The following HCN1 variants were observed in gnomAD, a reference collection of about 807,000 sequenced individuals.
The protein encoded by HCN1 is potassium/sodium hyperpolarization-activated cyclic nucleotide-gated channel 1.
In HCN1, 13 loss-of-function variants were observed where a neutral mutation model predicts 78.9. The observed-to-expected ratio is 0.16, with a 90% CI of 0.11 to 0.26. HCN1 has a LOEUF of 0.26. HCN1 is among the 10% of genes least tolerant of loss of function. The probability of loss-of-function intolerance (pLI) is 1.00; values close to 1 mark genes in which losing one functional copy is unlikely to be tolerated. For synonymous variants in HCN1, 552 were observed against 455.5 expected, an observed-to-expected ratio of 1.21 and a Z score of -2.70; for missense variants, 810 against 1,154.3, an observed-to-expected ratio of 0.70 and a Z score of 4.32.
At chr5:45,548,187 C>A (rs919299212) in intron 2 of HCN1, among the ~76,000 whole-genome samples, 1 of 151,850 alleles carries the variant, frequency 6.6e-6, no homozygotes, top group East Asian at 1.9e-4. Context: ...ATACACATTT[C>A]TTATCCTGCC....
At chr5:45,534,404 CAAAAAAAAAAAAAAAAAAAAA>C (rs71000637) in intron 2 of HCN1, among the ~76,000 whole-genome samples, 34 of 29,316 alleles carry the variant, frequency 1.2e-3, no homozygotes, top group South Asian at 6.8e-3. Flanking sequence ...GACTGCATCT[CAAAAAAAAAAAAAAAAAAAAA>C]AAAAAAAAAA....
intron 2 of HCN1, among the ~76,000 whole-genome samples, chr5:45,611,147 T>C (rs1297622077): frequency 3.3e-5 from 5 of 151,222 alleles, no homozygotes; most frequent in Non-Finnish European, 7.4e-5. Flanking sequence ...ACCTCCCGGG[T>C]TCAAGACATC....
intron 6 of HCN1, among the ~76,000 whole-genome samples, chr5:45,275,099 T>G (rs915237722): frequency 6.6e-6 from 1 of 151,690 alleles, no homozygotes; most frequent in Non-Finnish European, 1.5e-5. Context: ...TACAAAAAAT[T>G]AGTGGGTATG....
chr5:45,657,750 G>C (rs866359912), intron 1 of HCN1, among the ~76,000 whole-genome samples: 13 of 152,070 alleles, frequency 8.5e-5, no homozygotes, highest in Admixed American at 5.9e-4. Context: ...AGGATACAAA[G>C]AAATGGAATA....
intron 1 of HCN1, among the ~76,000 whole-genome samples, chr5:45,678,436 C>T (rs946805133): frequency 2.0e-5 from 3 of 151,908 alleles, no homozygotes; most frequent in African/African-American, 7.2e-5. Context: ...AATTTATAAG[C>T]TAATACATAA....
Position 45,261,769 on chromosome 5 carries a change from T to C in HCN1, c.*152A>G. 1.2e-6 allele frequency: 1 copy of C among 848,590 alleles called. No homozygotes were observed. Among genetic ancestry groups the C allele is most frequent in the Non-Finnish European group, 1.9e-6 (1 of 529,696 alleles). The allele number at this position is 848,590 out of a possible 1,614,324, so 52.6% of individuals were successfully genotyped here. A position where few individuals can be genotyped will look rare whatever the true frequency, so the allele number is the denominator to read the frequency against. ...ATATATATTTTATAGTATATGTATA[T>C]ATATTTTTACATTTCACGTGTAGGC... On this transcript the variant is annotated 3_prime_UTR_variant, in exon 8 of 8. Coordinates refer to ENST00000303230, the MANE Select transcript of HCN1 (RefSeq NM_021072.4).
In HCN1 at chr5:45,645,269, G is replaced by A. The variant is rs1419734495; in HGVS notation, c.765C>T (p.Arg255=). Residue 255 remains arginine (R), a synonymous_variant, in exon 2 of 8, where the codon CGC becomes CGT. Transcript: ENST00000303230. Reference sequence around the variant, plus strand: ...TGAGAATTTTTGTAAACCTCACAATGCGAAGTGCCCTGGCTGTCTTGTAAA... The same window carrying A: ...TGAGAATTTTTGTAAACCTCACAATACGAAGTGCCCTGGCTGTCTTGTAAA... ...SEVYKTARAL[R]IVRFTKILSL... 2 of 1,613,542 alleles carry A rather than the reference G, an allele frequency of 1.2e-6. No individual in the cohort carries two copies. Among genetic ancestry groups the A allele is most frequent in the Admixed American group, 1.7e-5 (1 of 59,880 alleles).
In HCN1 at chr5:45,472,509, A is replaced by T. The variant is rs535508463; in HGVS notation, c.850-10502T>A. Among the ~76,000 whole-genome samples the T allele has an allele frequency of 1.4e-3, 194 of 139,148 alleles. 1 individual carries two copies. The highest frequency in any genetic ancestry group is 1.8e-3 in the Non-Finnish European group (114 of 63,450). The allele number at this position is 139,148 out of a possible 152,430, so 91.3% of individuals were successfully genotyped here. A position where few individuals can be genotyped will look rare whatever the true frequency, so the allele number is the denominator to read the frequency against. On this transcript the variant is annotated intron_variant, in intron 2 of 7. Transcript: ENST00000303230. ...AACGGAGGAAAAGGGGAAAGACAAGATGGAGGGAGGAAGGGAAGGAGGAAG... is the reference window on the plus strand; with the variant it reads ...AACGGAGGAAAAGGGGAAAGACAAGTTGGAGGGAGGAAGGGAAGGAGGAAG...
At chr5:45,359,991 AT>A (rs1259233983) in intron 4 of HCN1, among the ~76,000 whole-genome samples, 1 of 150,272 alleles carries the variant, frequency 6.7e-6, no homozygotes, top group African/African-American at 2.4e-5. Flanking sequence ...TCAGTTTTTT[AT>A]ATGTCAATTT....
At chr5:45,411,226 C>T (rs1017552640) in intron 3 of HCN1, among the ~76,000 whole-genome samples, 16 of 151,824 alleles carry the variant, frequency 1.1e-4, no homozygotes, top group African/African-American at 3.9e-4. Context: ...TTTTCAAGGC[C>T]CAGATTATTC....
chr5:45,389,418 T>C (rs74783859), intron 4 of HCN1, among the ~76,000 whole-genome samples: 8,177 of 152,200 alleles, frequency 0.054, 762 homozygotes, highest in African/African-American at 0.19. Context: ...ACTCATAGCA[T>C]TAATTTCCTA....
intron 4 of HCN1, among the ~76,000 whole-genome samples, chr5:45,393,879 G>A (rs1051375546): frequency 6.6e-6 from 1 of 152,118 alleles, no homozygotes; most frequent in Non-Finnish European, 1.5e-5. Context: ...AGTAAAAATT[G>A]TAAATGGTGA....
At chr5:45,433,987 T>A (rs1740514901) in intron 3 of HCN1, among the ~76,000 whole-genome samples, 1 of 152,178 alleles carries the variant, frequency 6.6e-6, no homozygotes, top group South Asian at 2.1e-4. Context: ...AGGAGATTAA[T>A]CCATGCATGG....
chr5:45,498,056 T>C, intron 2 of HCN1, among the ~76,000 whole-genome samples: 1 of 152,160 alleles, frequency 6.6e-6, no homozygotes, highest in Non-Finnish European at 1.5e-5. Context: ...ATCTGACAAT[T>C]ATGTGTCTTG....
At chr5:45,332,338 C>G (rs1267981067) in intron 5 of HCN1, among the ~76,000 whole-genome samples, 1 of 151,420 alleles carries the variant, frequency 6.6e-6, no homozygotes, top group South Asian at 2.1e-4. Flanking sequence ...TACAAACAAT[C>G]CAATTATACT....
At chr5:45,333,990 T>C (rs1480110855) in intron 5 of HCN1, among the ~76,000 whole-genome samples, 2 of 151,804 alleles carry the variant, frequency 1.3e-5, no homozygotes, top group East Asian at 3.9e-4. Context: ...TTAGTAATAA[T>C]CAGGGCTTCT....
intron 6 of HCN1, among the ~76,000 whole-genome samples, chr5:45,290,039 G>T (rs1314756274): frequency 6.6e-6 from 1 of 151,910 alleles, no homozygotes; most frequent in Non-Finnish European, 1.5e-5. Flanking sequence ...GGACCTGGTG[G>T]GAGAAATCAT....
intron 2 of HCN1, among the ~76,000 whole-genome samples, chr5:45,516,731 T>G (rs969101946): frequency 2.0e-5 from 3 of 151,922 alleles, no homozygotes; most frequent in Non-Finnish European, 4.4e-5. Flanking sequence ...CTCTGAATAT[T>G]TTTTATTGTC....
At chr5:45,306,942 A>G (rs1745746972) in intron 5 of HCN1, among the ~76,000 whole-genome samples, 1 of 152,108 alleles carries the variant, frequency 6.6e-6, no homozygotes, top group Admixed American at 6.6e-5. Flanking sequence ...TAAAAAATGC[A>G]ATTATTTCTT....
Sources: allele counts gnomAD v4.1 joint callset (sites outside exome capture counted in the v4.1 genomes callset), GRCh38; gene constraint gnomAD v4.1.1; transcripts MANE v1.5; gene names NCBI Gene and HGNC (gene_info 2026-07-23, HGNC 2026-07-21).